The following CUX1 variants were observed in gnomAD, a reference collection of about 807,000 sequenced individuals.
The protein encoded by CUX1 is protein CASP.
In CUX1, 31 loss-of-function variants were observed where a neutral mutation model predicts 158.8. The ratio of observed to expected loss-of-function variants is 0.20; its 90% confidence interval spans 0.15 to 0.26. CUX1 has a LOEUF of 0.26. Among genes scored for constraint, CUX1 ranks in the 10% least tolerant of loss-of-function variants. The pLI is 1.00. For synonymous variants in CUX1, 879 were observed against 862.1 expected (o/e 1.02, Z -0.34); for missense variants, 1,589 against 2,014.6 (o/e 0.79, Z 4.04).
intron 17 of CUX1, among the ~76,000 whole-genome samples, 183 bp downstream of exon 17, chr7:102,200,355 T>C (rs1795286099): frequency 6.6e-6 from 1 of 152,208 alleles, no homozygotes; most frequent in South Asian, 2.1e-4. Flanking sequence ...AGTTACCTTT[T>C]TTTTTGAGAT....
At chr7:102,125,126 T>G (rs1430462601) in intron 8 of CUX1, among the ~76,000 whole-genome samples, 3 of 152,080 alleles carry the variant, frequency 2.0e-5, no homozygotes, top group Non-Finnish European at 4.4e-5. Context: ...AAGACCGGCT[T>G]TATCCCACAC....
At chr7:101,911,982 G>A (rs1255034394) in intron 1 of CUX1, among the ~76,000 whole-genome samples, 1 of 152,208 alleles carries the variant, frequency 6.6e-6, no homozygotes, top group African/African-American at 2.4e-5. Flanking sequence ...TAAAGTTTCT[G>A]TCTCAGCCTC....
intron 1 of CUX1, among the ~76,000 whole-genome samples, chr7:101,867,553 G>A (rs1798060338): frequency 6.6e-6 from 1 of 152,196 alleles, no homozygotes; most frequent in South Asian, 2.1e-4. Flanking sequence ...GAGGGCTTCT[G>A]TGCGGCCACG....
intron 1 of CUX1, among the ~76,000 whole-genome samples, chr7:101,881,998 TGAGAC>T (rs1799759280): frequency 7.2e-6 from 1 of 139,720 alleles, no homozygotes; most frequent in African/African-American, 2.7e-5. Context: ...GGCAACATAG[TGAGAC>T]CTTGTCTCTA....
At chr7:101,957,977 T>A (rs1177476348) in intron 2 of CUX1, among the ~76,000 whole-genome samples, 1 of 152,202 alleles carries the variant, frequency 6.6e-6, no homozygotes, top group African/African-American at 2.4e-5. Flanking sequence ...TGAGTTTCCT[T>A]GTCCCTACCC....
At chr7:102,055,694 C>A (rs1304288217) in intron 3 of CUX1, among the ~76,000 whole-genome samples, 2 of 152,150 alleles carry the variant, frequency 1.3e-5, no homozygotes, top group Non-Finnish European at 2.9e-5. Flanking sequence ...ATTAATAATC[C>A]TGCAATGGCC....
rs996627154 is a variant in CUX1, at chr7:102,257,581, G to A, written c.*8539G>A. ...AAGAGACCTAGTTCTTTGCGTTTGT[G>A]CAATAACTCTTTGCTGCTTGCCTTG... On this transcript the variant is annotated 3_prime_UTR_variant, in exon 24 of 24. Coordinates refer to ENST00000292535, the MANE Select transcript of CUX1 (RefSeq NM_181552.4). 2 of 985,274 alleles carry A rather than the reference G, an allele frequency of 2.0e-6. No individual in the cohort carries two copies. The highest frequency in any genetic ancestry group is 2.4e-6 in the Non-Finnish European group (2 of 829,938). The allele number at this position is 985,274 out of a possible 1,614,324, so 61.0% of individuals were successfully genotyped here.
At chr7:102,140,473 T>C (rs1554499879) in intron 8 of CUX1, among the ~76,000 whole-genome samples, 1 of 149,148 alleles carries the variant, frequency 6.7e-6, no homozygotes, top group African/African-American at 2.5e-5. Context: ...CTCAAACTCC[T>C]GAACTCAGGC....
chr7:101,993,722 TC>T (rs1259037935), intron 2 of CUX1, among the ~76,000 whole-genome samples: 2 of 152,176 alleles, frequency 1.3e-5, no homozygotes, highest in Non-Finnish European at 2.9e-5. Flanking sequence ...CCTTTTCCTC[TC>T]CCTAACTCTG....
intron 7 of CUX1, among the ~76,000 whole-genome samples, chr7:102,113,157 A>G (rs1831106597): frequency 6.6e-6 from 1 of 152,216 alleles, no homozygotes; most frequent in African/African-American, 2.4e-5. Flanking sequence ...AAAAAATGCA[A>G]AGTTTTTTTT....
At chr7:102,194,668 C>T (rs1794611994) in intron 13 of CUX1, among the ~76,000 whole-genome samples, 1 of 151,822 alleles carries the variant, frequency 6.6e-6, no homozygotes, top group African/African-American at 2.4e-5. Flanking sequence ...CATGCTGCCT[C>T]AGTAGAGAAG....
At chr7:102,037,148 G>A (rs1013767707) in intron 3 of CUX1, among the ~76,000 whole-genome samples, 7 of 151,972 alleles carry the variant, frequency 4.6e-5, no homozygotes, top group South Asian at 2.1e-4. Flanking sequence ...GCTGTTGATC[G>A]CGTGCCACTG....
At chr7:102,062,429 T>C (rs1440679960) in intron 3 of CUX1, among the ~76,000 whole-genome samples, 1 of 152,220 alleles carries the variant, frequency 6.6e-6, no homozygotes, top group Non-Finnish European at 1.5e-5. Context: ...AAACTTGTTT[T>C]CTAAACCTAG....
At position 102,250,660 on chromosome 7, in the gene CUX1, C is replaced by T; in HGVS notation, c.*1618C>T. The stretch of plus-strand genomic sequence containing the variant: ...TACCATTTGCCCTTCTTTCATTTCG[C>T]CTCTTAGTTCTTTTTATGCACAGTT... On this transcript the variant is annotated 3_prime_UTR_variant, in exon 24 of 24. Transcript: ENST00000292535. 1 of 985,382 alleles carries T rather than the reference C, an allele frequency of 1.0e-6. No homozygotes were observed. The highest frequency in any genetic ancestry group is 1.2e-6 in the Non-Finnish European group (1 of 829,930). The allele number at this position is 985,382 out of a possible 1,614,324, so 61.0% of individuals were successfully genotyped here. A position where few individuals can be genotyped will look rare whatever the true frequency, so the allele number is the denominator to read the frequency against.
At chr7:102,044,262 T>A (rs1358510517) in intron 3 of CUX1, among the ~76,000 whole-genome samples, 4 of 152,134 alleles carry the variant, frequency 2.6e-5, no homozygotes, top group Non-Finnish European at 5.9e-5. Context: ...CCATCTTGGC[T>A]CACTGCAACC....
At chr7:102,242,931 G>A (rs1800376543) in intron 23 of CUX1, among the ~76,000 whole-genome samples, 2 of 152,140 alleles carry the variant, frequency 1.3e-5, no homozygotes, top group South Asian at 4.1e-4. Context: ...GAAGGGGAGA[G>A]AAGAAGAATA....
At chr7:101,958,370 T>TGCA (rs10564479) in intron 2 of CUX1, among the ~76,000 whole-genome samples, 1 of 150,944 alleles carries the variant, frequency 6.6e-6, no homozygotes, top group Non-Finnish European at 1.5e-5. Flanking sequence ...GGCCTGAAGC[T>TGCA]GCAGCAGCAG....
Sources: allele counts gnomAD v4.1 joint callset (sites outside exome capture counted in the v4.1 genomes callset), GRCh38; gene constraint gnomAD v4.1.1; transcripts MANE v1.5; gene names NCBI Gene and HGNC (gene_info 2026-07-23, HGNC 2026-07-21).